The following GNAS variants were observed in gnomAD, a reference collection of about 807,000 sequenced individuals.
GNAS encodes GNAS complex locus.
In GNAS, 8 loss-of-function variants were observed where a neutral mutation model predicts 54.5. The observed-to-expected ratio is 0.15, with a 90% CI of 0.09 to 0.26. The LOEUF (loss-of-function observed/expected upper bound fraction) is 0.26, where lower values mean the gene tolerates loss of function less well. Ranked by LOEUF, GNAS falls within the 10% of genes least tolerant of loss-of-function variation. The pLI is 1.00. For synonymous variants in GNAS, 204 were observed against 191.4 expected, an observed-to-expected ratio of 1.07 and a Z score of -0.54; for missense variants, 170 against 529.8, an observed-to-expected ratio of 0.32 and a Z score of 6.67.
chr20:58,853,190 A>T lies in GNAS; in HGVS notation c.43+12304A>T, dbSNP rs1369282694. ...CTTTGATTTTAAAATAATAATAATAATTTTTTCACCCTAGTTCGGTTGGGT... is the reference window on the plus strand; with the variant it reads ...CTTTGATTTTAAAATAATAATAATATTTTTTTCACCCTAGTTCGGTTGGGT... On this transcript the variant is annotated intron_variant, in intron 1 of 12. Transcript: ENST00000306090. This position sits in a 1 kb window ranked among gnomAD's most constrained non-coding sequence, Gnocchi z 4.4. 1.7e-5 allele frequency: 24 copies of T among 1,450,518 alleles called. No homozygotes were observed. The East Asian group carries it at 2.8e-4, about 17-fold the overall frequency. 89.9% of individuals were successfully genotyped at this position (1,450,518 alleles called of 1,614,324 possible).
In GNAS at chr20:58,880,753, AT is replaced by A. The variant is rs551267986; in HGVS notation, c.44-14848del. Among the ~76,000 whole-genome samples the A allele has an allele frequency of 5.6e-3, 808 of 145,000 alleles. 5 individuals are homozygous for A. Among genetic ancestry groups the A allele is most frequent in the Non-Finnish European group, 6.8e-3 (444 of 65,774 alleles). On this transcript the variant is annotated intron_variant, in intron 1 of 12. Coordinates refer to the GNAS transcript ENST00000306090. ...TACATGTTTTAGAAATTATCCATCTATTTTTTTTTTTCCTCTCAAAATCTCT... is the reference window on the plus strand; with the variant it reads ...TACATGTTTTAGAAATTATCCATCTATTTTTTTTTTCCTCTCAAAATCTCT...
intron 1 of GNAS, chr20:58,895,394 T>G (rs796869806): frequency 3.6e-6 from 2 of 555,940 alleles, no homozygotes; most frequent in Admixed American, 3.1e-5. Context: ...AATTCTTGTT[T>G]GTTATTTGGA....
chr20:58,859,829 T>C (rs2086690067), intron 1 of GNAS, among the ~76,000 whole-genome samples: 1 of 152,046 alleles, frequency 6.6e-6, no homozygotes, highest in Non-Finnish European at 1.5e-5. Context: ...TTTCACCATG[T>C]TGGTCAGGCT....
Position 58,910,187 on chromosome 20 carries a change from C to G in GNAS, c.970+106C>G. ...CTCCCACCACCAAACCATAAAGGAT[C>G]TATAAGAGAAGCAAGAAAAACGCAC... On this transcript the variant is annotated intron_variant, in intron 11 of 12. Transcript: ENST00000371085. This position sits in a 1 kb window ranked among gnomAD's most constrained non-coding sequence, Gnocchi z 5.8. 1 of 1,366,510 alleles carries G rather than the reference C, an allele frequency of 7.3e-7. No homozygotes were observed. The highest frequency in any genetic ancestry group is 1.0e-6 in the Non-Finnish European group (1 of 954,602). The allele number at this position is 1,366,510 out of a possible 1,614,324, so 84.6% of individuals were successfully genotyped here. A position where few individuals can be genotyped will look rare whatever the true frequency, so the allele number is the denominator to read the frequency against.
chr20:58,908,223 C>CA (rs1301125891), intron 6 of GNAS, among the ~76,000 whole-genome samples: 2 of 152,218 alleles, frequency 1.3e-5, no homozygotes, highest in Non-Finnish European at 1.5e-5. Flanking sequence ...CCCCTCCCTC[C>CA]AAAAAATAAC....
At position 58,841,009 on chromosome 20, in the gene GNAS, G is replaced by C; in HGVS notation, c.43+123G>C. ...GGAAGAGAGGAGGCTCAGCTGGTCA[G>C]CCTGGGATCGGGGGTCAGGGTGAGG... On this transcript the variant is annotated intron_variant, in intron 1 of 12. Coordinates refer to the GNAS transcript ENST00000306090. This position sits in a 1 kb window ranked among gnomAD's most constrained non-coding sequence, Gnocchi z 5.0. 8.9e-7 allele frequency: 1 copy of C among 1,126,236 alleles called. No individual in the cohort carries two copies. Among genetic ancestry groups the C allele is most frequent in the Non-Finnish European group, 1.3e-6 (1 of 779,760 alleles). 69.8% of individuals were successfully genotyped at this position (1,126,236 alleles called of 1,614,324 possible).
intron 1 of GNAS, among the ~76,000 whole-genome samples, chr20:58,892,854 A>G (rs558785953): frequency 9.3e-5 from 14 of 151,024 alleles, no homozygotes; most frequent in Admixed American, 5.3e-4. Flanking sequence ...AGAGCGGAGA[A>G]TTAATTGTAG....
chr20:58,907,910 C>G (rs2091191244), intron 6 of GNAS, among the ~76,000 whole-genome samples: 1 of 152,196 alleles, frequency 6.6e-6, no homozygotes, highest in Admixed American at 6.5e-5. Flanking sequence ...TGGGGTTTGG[C>G]TGGCTCCACT....
intron 1 of GNAS, among the ~76,000 whole-genome samples, chr20:58,858,440 G>A (rs2086609867): frequency 6.6e-6 from 1 of 152,138 alleles, no homozygotes; most frequent in Admixed American, 6.5e-5. Flanking sequence ...TATCTAAAGA[G>A]TTCTTTTTAA....
chr20:58,853,771 C>G lies in GNAS; in HGVS notation c.43+12885C>G. On this transcript the variant is annotated intron_variant, in intron 1 of 12. Transcript: ENST00000306090. This position sits in a 1 kb window ranked among gnomAD's most constrained non-coding sequence, Gnocchi z 4.4. ...GCTATGCCCTTTGAGTTTGACCAGC[C>G]TGCCCAGAGAGGCTGCAGTCAACTT... is the stretch of plus-strand genomic sequence containing the variant. 1 of 1,613,358 alleles carries G rather than the reference C, an allele frequency of 6.2e-7. No individual in the cohort carries two copies. Among genetic ancestry groups the G allele is most frequent in the Non-Finnish European group, 8.5e-7 (1 of 1,179,702 alleles).
Position 58,902,712 on chromosome 20 carries a change from A to T in GNAS, c.258-819A>T, listed in dbSNP as rs1212923867. On this transcript the variant is annotated intron_variant, in intron 3 of 12. Transcript: ENST00000371085. ...TGCTGCTAGCTGCAGTGCCTGGAGC[A>T]TCGCACATACGACTTTTTTTTTTTT... Among the ~76,000 whole-genome samples the T allele has an allele frequency of 2.1e-5, 3 of 142,094 alleles. No homozygotes were observed. The East Asian group carries it at 6.1e-4, about 29-fold the overall frequency. The allele number at this position is 142,094 out of a possible 152,430, so 93.2% of individuals were successfully genotyped here.
intron 1 of GNAS, chr20:58,892,076 G>T (rs1253677441): frequency 1.0e-6 from 1 of 962,368 alleles, no homozygotes; most frequent in Non-Finnish European, 1.2e-6. Flanking sequence ...GCGGGGGGCC[G>T]TGGCGACGCG....
At position 58,854,086 on chromosome 20, in the gene GNAS, C is replaced by T. The variant is rs769524256; in HGVS notation, c.43+13200C>T. On this transcript the variant is annotated intron_variant, in intron 1 of 12. Coordinates refer to the GNAS transcript ENST00000306090. ...CTCACTCCCGCCGCGAACGCGCCTC[C>T]CCTCTGGGTCCCAGGCGCCATCGGC... The T allele has an allele frequency of 5.0e-6, 8 of 1,612,286 alleles. No homozygotes were observed. The highest frequency in any genetic ancestry group is 6.8e-6 in the Non-Finnish European group (8 of 1,179,774).
At chr20:58,906,540 T>C (rs928757275) in intron 6 of GNAS, among the ~76,000 whole-genome samples, 4 of 152,192 alleles carry the variant, frequency 2.6e-5, no homozygotes, top group Admixed American at 6.5e-5. Flanking sequence ...AACATTATTA[T>C]TATTTTTTTG....
chr20:58,841,857 G>A lies in GNAS; in HGVS notation c.43+971G>A, dbSNP rs2085743419. The A allele has an allele frequency of 2.4e-6, 3 of 1,231,098 alleles. No individual in the cohort carries two copies. Among genetic ancestry groups the A allele is most frequent in the Non-Finnish European group, 3.0e-6 (3 of 987,976 alleles). 76.3% of individuals were successfully genotyped at this position (1,231,098 alleles called of 1,614,324 possible). The stretch of plus-strand genomic sequence containing the variant: ...GCGCAGGACCTCTGGAGGCCCTCGA[G>A]ATCGTCGCAAGTGGAAAGGTAAAGC... On this transcript the variant is annotated intron_variant, in intron 1 of 12. Coordinates refer to the GNAS transcript ENST00000306090. This position sits in a 1 kb window ranked among gnomAD's most constrained non-coding sequence, Gnocchi z 5.0.
chr20:58,896,042 A>G (rs1329070608), intron 2 of GNAS, among the ~76,000 whole-genome samples: 3 of 152,158 alleles, frequency 2.0e-5, no homozygotes, highest in Non-Finnish European at 4.4e-5. Flanking sequence ...AGTGTCTTCA[A>G]CGTGGCTTTG....
chr20:58,907,974 G>A (rs1461761402), intron 6 of GNAS, among the ~76,000 whole-genome samples: 1 of 152,210 alleles, frequency 6.6e-6, no homozygotes, highest in Non-Finnish European at 1.5e-5. Context: ...TAGAACTGTG[G>A]TTCTGTTGCC....
chr20:58,853,718 G>A lies in GNAS; in HGVS notation c.43+12832G>A. On this transcript the variant is annotated intron_variant, in intron 1 of 12. Coordinates refer to the GNAS transcript ENST00000306090. The surrounding 1 kb of genome is among the most constrained non-coding windows in gnomAD (Gnocchi z 4.4). ...CCTTCAGTGGTGCCAGACCAGGCCT[G>A]GGAGGATACAGCCCTCCACCAGAAG... The A allele has an allele frequency of 6.2e-7, 1 of 1,613,828 alleles. No homozygotes were observed. The highest frequency in any genetic ancestry group is 8.5e-7 in the Non-Finnish European group (1 of 1,179,872).
chr20:58,903,642 T>TC (rs1569015958), intron 4 of GNAS, 30 bp from the exon 5 acceptor site: 1 of 1,614,006 alleles, frequency 6.2e-7, no homozygotes, highest in Non-Finnish European at 8.5e-7. Flanking sequence ...CCAGTGCTGT[T>TC]CCCTGACCGC....
Sources: allele counts gnomAD v4.1 joint callset (sites outside exome capture counted in the v4.1 genomes callset), GRCh38; gene constraint gnomAD v4.1.1; non-coding constraint Gnocchi (gnomAD v3.1); transcripts MANE v1.5; gene names NCBI Gene and HGNC (gene_info 2026-07-23, HGNC 2026-07-21).